NYX: variants seen among roughly 807,000 people sequenced by gnomAD.
NYX encodes leucine-rich repeat protein.
For synonymous variants in NYX, 258 were observed against 245.7 expected, an observed-to-expected ratio of 1.05 and a Z score of -0.47; for missense variants, 481 against 485.4, an observed-to-expected ratio of 0.99 and a Z score of 0.09.
chrX:41,460,876 A>ATTTTTTTTTTTTT (rs59383905), intron 2 of NYX, among the ~76,000 whole-genome samples: 5 of 24,778 alleles, frequency 2.0e-4, no homozygotes, highest in African/African-American at 6.1e-4. Context: ...CACAGTATGT[A>ATTTTTTTTTTTTT]TTTTTTTTTT....
rs182337314 is a variant in NYX at position 41,448,536 on chromosome X, G to A, written c.22+610G>A. Among the ~76,000 whole-genome samples, 1,050 of 105,129 alleles carry A rather than the reference G, an allele frequency of 1.0e-2. 9 individuals carry two copies. Among genetic ancestry groups the A allele is most frequent in the African/African-American group, 0.035 (1,006 of 28,979 alleles). The allele number at this position is 105,129 out of a possible 115,157, so 91.3% of individuals were successfully genotyped here. Reference sequence around the variant, plus strand: ...GGATTACAGGCGTGAGCCACCGTACGGTGGTTTTTTCTTTTCTTTTCTTTT... The same window carrying A: ...GGATTACAGGCGTGAGCCACCGTACAGTGGTTTTTTCTTTTCTTTTCTTTT... On this transcript the variant is annotated intron_variant, in intron 2 of 2. Coordinates refer to ENST00000378220, the MANE Select transcript of NYX (RefSeq NM_001378477.3).
At chrX:41,457,644 C>T (rs1289862445) in intron 2 of NYX, among the ~76,000 whole-genome samples, 1 of 111,761 alleles carries the variant, frequency 8.9e-6, no homozygotes, top group African/African-American at 3.3e-5. Flanking sequence ...GGTTGGTGCT[C>T]ACATCACCTT....
intron 2 of NYX, among the ~76,000 whole-genome samples, chrX:41,454,089 A>G (rs980357155): frequency 4.5e-5 from 5 of 111,942 alleles, no homozygotes; most frequent in African/African-American, 1.6e-4. Context: ...GTGGAGCTTC[A>G]AACATACCAA....
chrX:41,473,750 C>T lies in NYX; in HGVS notation c.282C>T (p.Ser94=). The T allele has an allele frequency of 1.7e-6, 2 of 1,155,780 alleles. No homozygotes were observed. Among genetic ancestry groups the T allele is most frequent in the Non-Finnish European group, 2.3e-6 (2 of 873,467 alleles). ...RRLSLRHNNL[S]FITPGAFKGL... ...TGTCGCTGCGCCACAACAACCTGTC[C>T]TTCATCACGCCCGGCGCCTTCAAGG... The change falls in exon 3 of 3, where the codon TCC becomes TCT. Residue 94 remains serine (S), a synonymous_variant. Transcript: ENST00000378220.
chrX:41,471,356 C>T (rs765127854), intron 2 of NYX, among the ~76,000 whole-genome samples: 61 of 111,887 alleles, frequency 5.5e-4, no homozygotes, highest in Non-Finnish European at 1.0e-3. Context: ...AGGTGATCTG[C>T]CCACCTCGGC....
intron 2 of NYX, among the ~76,000 whole-genome samples, chrX:41,457,175 G>A (rs747810796): frequency 1.5e-4 from 17 of 110,111 alleles, no homozygotes; most frequent in African/African-American, 3.6e-4. Context: ...GCATGGTGGC[G>A]CATGCCTGTA....
At chrX:41,471,346 A>G (rs749046198) in intron 2 of NYX, among the ~76,000 whole-genome samples, 1 of 111,965 alleles carries the variant, frequency 8.9e-6, no homozygotes, top group East Asian at 2.8e-4. Flanking sequence ...TCCTCACCTC[A>G]GGTGATCTGC....
intron 2 of NYX, among the ~76,000 whole-genome samples, chrX:41,470,275 C>T (rs867798897): frequency 1.3e-4 from 14 of 110,587 alleles, no homozygotes; most frequent in Admixed American, 2.9e-4. Context: ...ATAACACAAG[C>T]CGCATGTTTA....
chrX:41,449,639 A>G (rs1602170404), intron 2 of NYX, among the ~76,000 whole-genome samples: 1 of 111,280 alleles, frequency 9.0e-6, no homozygotes, highest in African/African-American at 3.3e-5. Flanking sequence ...TCCAACAGCC[A>G]GTATCATTTT....
chrX:41,457,769 T>C (rs1046508122), intron 2 of NYX, among the ~76,000 whole-genome samples: 33 of 111,249 alleles, frequency 3.0e-4, no homozygotes, highest in Non-Finnish European at 2.6e-4. Context: ...TGGGAGGAGA[T>C]GGCAGAGACA....
At position 41,455,783 on chromosome X, in the gene NYX, T is replaced by G. The variant is rs148790239; in HGVS notation, c.22+7857T>G. ...CTCTTTTCACAAACTGTAATCTTTA[T>G]TTTTAATGTGGTAAATGTTTTTCTG... is the stretch of plus-strand genomic sequence containing the variant. On this transcript the variant is annotated intron_variant, in intron 2 of 2. Coordinates refer to ENST00000378220, the MANE Select transcript of NYX (RefSeq NM_001378477.3). Among the ~76,000 whole-genome samples, 32 of 112,018 alleles carry G rather than the reference T, an allele frequency of 2.9e-4. No homozygotes were observed. The East Asian group carries it at 8.7e-3, about 30-fold the overall frequency.
intron 1 of NYX, 153 bp downstream of exon 1, chrX:41,447,669 G>C: frequency 1.1e-5 from 5 of 450,555 alleles, no homozygotes; most frequent in Non-Finnish European, 2.0e-5. Context: ...CTGTCCATTT[G>C]TGGGGAGCTT....
chrX:41,456,198 G>A (rs1481773647), intron 2 of NYX, among the ~76,000 whole-genome samples: 1 of 111,134 alleles, frequency 9.0e-6, no homozygotes, highest in African/African-American at 3.3e-5. Flanking sequence ...TTAGTTGGGC[G>A]TGATGGTGCG....
chrX:41,455,554 G>A (rs1020945891), intron 2 of NYX, among the ~76,000 whole-genome samples: 11 of 110,220 alleles, frequency 1.0e-4, no homozygotes, highest in Non-Finnish European at 1.5e-4. Context: ...TGTGAATCCC[G>A]GGGTGATGAC....
At chrX:41,459,746 GTAT>G (rs1344763141) in intron 2 of NYX, among the ~76,000 whole-genome samples, 1 of 111,162 alleles carries the variant, frequency 9.0e-6, no homozygotes. Flanking sequence ...TTGCTGAGTA[GTAT>G]TCTACTGTAC....
rs2064305848 is a variant in NYX at position 41,458,199 on chromosome X, T to A, written c.22+10273T>A. On this transcript the variant is annotated intron_variant, in intron 2 of 2. Coordinates refer to ENST00000378220, the MANE Select transcript of NYX (RefSeq NM_001378477.3). Reference sequence around the variant, plus strand: ...ACCTCTCAACACTACTGCAGTGGGGTTTAAGTCTCCAACACGTGAACTTAG... The same window carrying A: ...ACCTCTCAACACTACTGCAGTGGGGATTAAGTCTCCAACACGTGAACTTAG... 5.4e-5 allele frequency among the ~76,000 whole-genome samples: 6 copies of A among 111,724 alleles called. No homozygotes were observed. In the South Asian group the frequency reaches 2.2e-3, roughly 42 times the overall value.
In NYX at chrX:41,473,982, G is replaced by A. The variant is rs746621970; in HGVS notation, c.514G>A (p.Ala172Thr). Residue 172 changes from alanine (A) to threonine (T), a missense_variant, in exon 3 of 3, where the codon GCG becomes ACG. Physicochemically the swap from Ala to Thr is moderately conservative, Grantham distance 58. Transcript: ENST00000378220. ...CAACCTGTTCCGCCGCGTGCCGGGC[G>A]CGCTGCGCGGCCTGGCCAACCTGAC... ...FDNLFRRVPG[A>T]LRGLANLTHA... is the part of the protein sequence containing the mutation. The A allele has an allele frequency of 1.7e-5, 18 of 1,072,561 alleles. No individual in the cohort carries two copies. In the East Asian group the frequency reaches 6.5e-4, roughly 39 times the overall value. 88.4% of individuals were successfully genotyped at this position (1,072,561 alleles called of 1,213,427 possible).
In NYX at chrX:41,457,221, G is replaced by A. The variant is rs762409767; in HGVS notation, c.22+9295G>A. ...CTCGGGAGGCTGAGGCAGGAGAATC[G>A]CTTGAACCCGGGAGGCGGAGGTTGC... On this transcript the variant is annotated intron_variant, in intron 2 of 2. Coordinates refer to ENST00000378220, the MANE Select transcript of NYX (RefSeq NM_001378477.3). Among the ~76,000 whole-genome samples, 6 of 104,390 alleles carry A rather than the reference G, an allele frequency of 5.7e-5. No individual in the cohort carries two copies. The South Asian group carries it at 1.4e-3, about 24-fold the overall frequency. 90.7% of individuals were successfully genotyped at this position (104,390 alleles called of 115,157 possible).
intron 2 of NYX, among the ~76,000 whole-genome samples, chrX:41,458,377 T>G (rs1602173601): frequency 8.9e-6 from 1 of 112,234 alleles, no homozygotes; most frequent in East Asian, 2.8e-4. Context: ...AACCTCAGTT[T>G]CCTCTTTCAT....
Sources: gnomAD v4.1 joint callset for allele counts (sites outside exome capture counted in the v4.1 genomes callset) on GRCh38, gnomAD v4.1.1 for gene constraint, MANE v1.5 for transcripts, NCBI Gene and HGNC (gene_info 2026-07-23, HGNC 2026-07-21) for gene names.